The following GALNT13 variants were observed in gnomAD, a reference collection of about 807,000 sequenced individuals.
The protein encoded by GALNT13 is UDP-GalNAc:polypeptide N-acetylgalactosaminyltransferase 13.
Under a neutral mutation model 64.2 loss-of-function variants are expected in GALNT13, and 28 were observed. The observed-to-expected ratio is 0.44, with a 90% CI of 0.32 to 0.60. GALNT13 has a LOEUF of 0.60. Ranked by LOEUF, GALNT13 falls within the 20% of genes least tolerant of loss-of-function variation. The pLI is 0.05. For missense variants in GALNT13, 577 were observed against 669.8 expected (o/e 0.86, Z 1.53); for synonymous variants, 214 against 224.6 (o/e 0.95, Z 0.42).
chr2:154,260,416 G>T (rs1690634033), intron 8 of GALNT13, among the ~76,000 whole-genome samples: 1 of 152,144 alleles, frequency 6.6e-6, no homozygotes, highest in Non-Finnish European at 1.5e-5. Flanking sequence ...GTAGAATTCA[G>T]TGGATCTTGG....
At chr2:153,598,270 C>G in the GALNT13 span, among the ~76,000 whole-genome samples, 3,519 of 152,164 alleles carry the variant, frequency 0.023, 58 homozygotes, top group Non-Finnish European at 0.036. Context: ...TCTGGATCTG[C>G]TACTGCAGCT....
the GALNT13 span, among the ~76,000 whole-genome samples, chr2:153,429,055 ATCTCTT>A: frequency 5.8e-3 from 877 of 152,164 alleles, 6 homozygotes; most frequent in African/African-American, 0.02. Context: ...CATATATATT[ATCTCTT>A]TCTCTTTCTC....
chr2:153,511,297 C>T, the GALNT13 span, among the ~76,000 whole-genome samples: 1 of 150,246 alleles, frequency 6.7e-6, no homozygotes, highest in Non-Finnish European at 1.5e-5. Flanking sequence ...AAAAAAGGGG[C>T]GGGGGTTGGC....
intron 9 of GALNT13, among the ~76,000 whole-genome samples, chr2:154,346,714 A>G (rs1696089234): frequency 6.6e-6 from 1 of 152,092 alleles, no homozygotes; most frequent in Non-Finnish European, 1.5e-5. Context: ...TATTAGCAGC[A>G]TGAGAACAGA....
At chr2:154,418,340 T>G (rs1029129172) in intron 11 of GALNT13, among the ~76,000 whole-genome samples, 29 of 152,144 alleles carry the variant, frequency 1.9e-4, no homozygotes, top group African/African-American at 7.0e-4. Flanking sequence ...GTGTTTTACC[T>G]TATGTGGCAA....
chr2:153,867,572 A>G (rs1239217544), upstream of GALNT13, among the ~76,000 whole-genome samples: 1 of 152,126 alleles, frequency 6.6e-6, no homozygotes, highest in Non-Finnish European at 1.5e-5. Context: ...GGATGGTTTC[A>G]GGATGATTTA....
chr2:154,226,726 G>A (rs1262200658), intron 4 of GALNT13, among the ~76,000 whole-genome samples: 1 of 151,848 alleles, frequency 6.6e-6, no homozygotes, highest in Non-Finnish European at 1.5e-5. Context: ...AATTGTTCTT[G>A]TTGATGGATT....
chr2:153,870,811 TCCC>T (rs952274920), upstream of GALNT13, among the ~76,000 whole-genome samples: 2 of 151,230 alleles, frequency 1.3e-5, no homozygotes, highest in African/African-American at 4.9e-5. Context: ...CGTTATATCC[TCCC>T]CCAATTCTGC....
the GALNT13 span, among the ~76,000 whole-genome samples, chr2:153,489,286 T>C: frequency 2.0e-5 from 3 of 152,172 alleles, no homozygotes; most frequent in Non-Finnish European, 4.4e-5. Flanking sequence ...AAAACAATAA[T>C]ACAAACAAAA....
downstream of GALNT13, among the ~76,000 whole-genome samples, chr2:154,455,786 G>GT (rs761875009): frequency 2.5e-4 from 38 of 152,150 alleles, no homozygotes; most frequent in Non-Finnish European, 4.7e-4. Context: ...CACTGTATTT[G>GT]TTTTAAAAGA....
At chr2:153,181,441 G>C in the GALNT13 span, among the ~76,000 whole-genome samples, 3 of 151,150 alleles carry the variant, frequency 2.0e-5, no homozygotes, top group Non-Finnish European at 4.4e-5. Context: ...ATCTATCCTG[G>C]AGAATGCTCC....
chr2:154,242,257 G>C, intron 5 of GALNT13, 61 bp downstream of exon 5: 1 of 1,458,488 alleles, frequency 6.9e-7, no homozygotes, highest in Middle Eastern at 1.8e-4. Context: ...TTGTTTTTTT[G>C]TATTAGAAAG....
Position 153,943,051 on chromosome 2 carries a change from A to G in GALNT13, c.-104-1343A>G, listed in dbSNP as rs1558866157. On this transcript the variant is annotated intron_variant, in intron 2 of 12. Transcript: ENST00000392825. ...CTTACATTTTACTCGATATTATTTA[A>G]AATGTAACAAATGATATCAGAATAT... 2.0e-5 allele frequency among the ~76,000 whole-genome samples: 3 copies of G among 152,310 alleles called. No homozygotes were observed. The East Asian group carries it at 5.8e-4, about 29-fold the overall frequency.
intron 9 of GALNT13, among the ~76,000 whole-genome samples, chr2:154,349,412 C>T (rs1425978190): frequency 1.3e-5 from 2 of 152,196 alleles, no homozygotes; most frequent in Non-Finnish European, 1.5e-5. Flanking sequence ...CTAGGTTTTG[C>T]TCCTCCCTGA....
At chr2:153,133,213 G>A in the GALNT13 span, among the ~76,000 whole-genome samples, 1 of 152,034 alleles carries the variant, frequency 6.6e-6, no homozygotes, top group Non-Finnish European at 1.5e-5. Context: ...ATGCTGATTT[G>A]ACCGTGGAGA....
rs1010215629 is a variant in GALNT13, at chr2:154,453,134, C to T, written c.*2583C>T. The T allele has an allele frequency of 3.3e-5, 5 of 152,244 alleles. No individual in the cohort carries two copies. Among genetic ancestry groups the T allele is most frequent in the South Asian group, 2.1e-4 (1 of 4,828 alleles). 9.4% of individuals were successfully genotyped at this position (152,244 alleles called of 1,614,324 possible). A position where few individuals can be genotyped will look rare whatever the true frequency, so the allele number is the denominator to read the frequency against. ...TGTCACTACCTCTAACCTTTTTAAT[C>T]GCAATATGCTTATTATTTAGTTCCC... On this transcript the variant is annotated 3_prime_UTR_variant, in exon 13 of 13. Coordinates refer to ENST00000392825, the MANE Select transcript of GALNT13 (RefSeq NM_052917.4).
chr2:153,977,645 A>T (rs1029611877), intron 3 of GALNT13, among the ~76,000 whole-genome samples: 1 of 151,932 alleles, frequency 6.6e-6, no homozygotes, highest in Non-Finnish European at 1.5e-5. Flanking sequence ...CCATATCACT[A>T]TTTGAAGTGT....
At chr2:153,423,557 A>G in the GALNT13 span, 51 of 151,924 alleles carry the variant, frequency 3.4e-4, no homozygotes, top group Non-Finnish European at 7.1e-4. Flanking sequence ...AACTGTCATC[A>G]TTTGCAAAGA....
At chr2:154,376,460 A>T (rs1281778023) in intron 9 of GALNT13, among the ~76,000 whole-genome samples, 1 of 152,190 alleles carries the variant, frequency 6.6e-6, no homozygotes, top group East Asian at 1.9e-4. Context: ...TCCAGCAGAT[A>T]GATTTTTTAA....
Sources: allele counts gnomAD v4.1 joint callset (sites outside exome capture counted in the v4.1 genomes callset), GRCh38; gene constraint gnomAD v4.1.1; transcripts MANE v1.5; gene names NCBI Gene and HGNC (gene_info 2026-07-23, HGNC 2026-07-21).